MYOM2: variants seen among roughly 807,000 people sequenced by gnomAD.
MYOM2 encodes the protein myomesin 2.
Under a neutral mutation model 187.6 loss-of-function variants are expected in MYOM2, and 254 were observed. That is an observed-to-expected ratio of 1.35 (90% CI 1.22 to 1.50). The LOEUF (loss-of-function observed/expected upper bound fraction) is 1.50. Among genes scored for constraint, MYOM2 ranks in the 40% most tolerant of loss-of-function variants. The pLI is 0.00. For synonymous variants in MYOM2, 981 were observed against 753.8 expected, an observed-to-expected ratio of 1.30 and a Z score of -4.94; for missense variants, 2,796 against 1,924.0, an observed-to-expected ratio of 1.45 and a Z score of -8.48.
intron 17 of MYOM2, among the ~76,000 whole-genome samples, chr8:2,094,318 A>G (rs1339298694): frequency 7.8e-6 from 1 of 128,034 alleles, no homozygotes; most frequent in Admixed American, 7.3e-5. Flanking sequence ...CAAATTAAAA[A>G]TAGAAAACAT....
At chr8:2,111,097 C>A (rs1161897727) in intron 25 of MYOM2, among the ~76,000 whole-genome samples, 1 of 152,182 alleles carries the variant, frequency 6.6e-6, no homozygotes, top group Non-Finnish European at 1.5e-5. Context: ...GGGAATGGCA[C>A]TTTATTTGCG....
intron 32 of MYOM2, among the ~76,000 whole-genome samples, chr8:2,139,783 A>C (rs1055598179): frequency 1.1e-4 from 17 of 152,216 alleles, no homozygotes; most frequent in African/African-American, 4.1e-4. Flanking sequence ...AACTGAAGTA[A>C]TGTTAGGAAA....
chr8:2,055,774 G>C (rs574261307), intron 3 of MYOM2, among the ~76,000 whole-genome samples: 9 of 152,256 alleles, frequency 5.9e-5, no homozygotes, highest in Non-Finnish European at 1.0e-4. Flanking sequence ...CCTGGGTCTC[G>C]GACAGGCCTT....
At chr8:2,130,799 G>A (rs936828832) in intron 32 of MYOM2, among the ~76,000 whole-genome samples, 5 of 152,178 alleles carry the variant, frequency 3.3e-5, no homozygotes, top group African/African-American at 9.7e-5. Context: ...GGAGCTTACA[G>A]GACTAGAACT....
rs765767254 is a variant in MYOM2 at position 2,072,325 on chromosome 8, C to T, written c.794-20C>T. On this transcript the variant is annotated intron_variant, in intron 8 of 36. Transcript: ENST00000262113. ...GCTCTCTGCCCTTCGGCCCTGAAAG[C>T]CTCCATCGTTTCTGTGCAGTGCCCC... 1.9e-6 allele frequency: 3 copies of T among 1,611,230 alleles called. No individual in the cohort carries two copies. In the African/African-American group the frequency reaches 4.0e-5, roughly 22 times the overall value.
At chr8:2,092,211 G>T in intron 15 of MYOM2, 135 bp from the exon 16 acceptor site, 1 of 1,057,926 alleles carries the variant, frequency 9.5e-7, no homozygotes, top group Non-Finnish European at 1.4e-6. Flanking sequence ...TCCTACTCCT[G>T]GACCCCTTGT....
chr8:2,056,755 T>C (rs924508047), intron 3 of MYOM2, among the ~76,000 whole-genome samples: 1 of 152,150 alleles, frequency 6.6e-6, no homozygotes, highest in African/African-American at 2.4e-5. Flanking sequence ...TTTCAAATCA[T>C]GGAACTGACT....
rs186258103 is a variant in MYOM2 at position 2,089,728 on chromosome 8, T to C, written c.1645-280T>C. ...TTTTGCTAAAACTACTACCTATGTATTGATTCCCTTATGTTTTCTATGGTT... is the reference window on the plus strand; with the variant it reads ...TTTTGCTAAAACTACTACCTATGTACTGATTCCCTTATGTTTTCTATGGTT... On this transcript the variant is annotated intron_variant, in intron 14 of 36. Transcript: ENST00000262113. 5.3e-3 allele frequency among the ~76,000 whole-genome samples: 803 copies of C among 152,352 alleles called. 4 individuals are homozygous for C. Among genetic ancestry groups the C allele is most frequent in the Non-Finnish European group, 9.3e-3 (632 of 68,026 alleles).
At chr8:2,065,335 C>A (rs1381565886) in intron 6 of MYOM2, among the ~76,000 whole-genome samples, 1 of 152,124 alleles carries the variant, frequency 6.6e-6, no homozygotes, top group Non-Finnish European at 1.5e-5. Context: ...TGTTGGGAGG[C>A]CGAGGCAGGT....
chr8:2,118,060 C>G (rs190855397), intron 28 of MYOM2, 108 bp downstream of exon 28: 1 of 927,552 alleles, frequency 1.1e-6, no homozygotes, highest in African/African-American at 1.6e-5. Context: ...GGTGAGGAAA[C>G]GTGTGGTGCC....
At chr8:2,114,070 C>A (rs773493070) in intron 25 of MYOM2, among the ~76,000 whole-genome samples, 2 of 152,098 alleles carry the variant, frequency 1.3e-5, no homozygotes, top group South Asian at 4.1e-4. Flanking sequence ...CAAGCCTCAC[C>A]CGGGGGCATC....
At position 2,083,330 on chromosome 8, in the gene MYOM2, C is replaced by T. The variant is rs6985872; in HGVS notation, c.1517-1933C>T. ...CTCATGTGTGTTTAGCAGTGTCTCA[C>T]GTGTGCTTAGCGGTATCTTATGTGT... On this transcript the variant is annotated intron_variant, in intron 13 of 36. Coordinates refer to ENST00000262113, the MANE Select transcript of MYOM2 (RefSeq NM_003970.4). Among the ~76,000 whole-genome samples the T allele has an allele frequency of 5.2e-3, 791 of 152,196 alleles. 5 individuals are homozygous for T. Among genetic ancestry groups the T allele is most frequent in the African/African-American group, 0.018 (756 of 41,474 alleles).
chr8:2,089,916 G>C, intron 14 of MYOM2, 92 bp from the exon 15 acceptor site: 1 of 1,262,160 alleles, frequency 7.9e-7, no homozygotes, highest in Non-Finnish European at 1.1e-6. Flanking sequence ...GTGGTCCTGG[G>C]ATAGCGAGAA....
intron 27 of MYOM2, among the ~76,000 whole-genome samples, 189 bp from the exon 28 acceptor site, chr8:2,117,696 A>T (rs551734929): frequency 6.6e-6 from 1 of 152,100 alleles, no homozygotes; most frequent in Non-Finnish European, 1.5e-5. Flanking sequence ...CCTGAAAACT[A>T]TCTCAGTTTC....
At position 2,109,433 on chromosome 8, in the gene MYOM2, G is replaced by C. The variant is rs780196572; in HGVS notation, c.3082G>C (p.Asp1028His). Residue 1028 changes from aspartate (D) to histidine (H), a missense_variant, in exon 25 of 37, where the codon GAT becomes CAT. Transcript: ENST00000262113. ...LKSELAYEIF[D>H]KGRVRFWLQA... ...ATCGGAATTAGCTTATGAGATTTTT[G>C]ATAAGGGGCGGGTTCGCTTCTGGCT... is the stretch of plus-strand genomic sequence containing the variant. The C allele has an allele frequency of 1.5e-5, 24 of 1,610,486 alleles. No homozygotes were observed. The highest frequency in any genetic ancestry group is 2.2e-5 in the South Asian group (2 of 90,532).
chr8:2,085,310 A>G lies in MYOM2; in HGVS notation c.1564A>G (p.Ile522Val), dbSNP rs199912698. Reference sequence around the variant, plus strand: ...TCCCACCGGTGTGCACGCTTCCGAGATCAGCAGAAACTATGTCGTCCTCAG... The same window carrying G: ...TCCCACCGGTGTGCACGCTTCCGAGGTCAGCAGAAACTATGTCGTCCTCAG... The part of the protein sequence containing the change: ...GPPTGVHASE[I>V]SRNYVVLSWE... The change falls in exon 14 of 37, where the codon ATC (isoleucine) becomes GTC (valine). Residue 522 changes from isoleucine to valine, a missense_variant. By Grantham distance (29) the Ile-to-Val change is conservative (BLOSUM62 3). Transcript: ENST00000262113. The G allele has an allele frequency of 1.2e-6, 2 of 1,614,084 alleles. No homozygotes were observed. Among genetic ancestry groups the G allele is most frequent in the Non-Finnish European group, 1.7e-6 (2 of 1,179,998 alleles).
chr8:2,076,866 G>A (rs1056851975), intron 11 of MYOM2, among the ~76,000 whole-genome samples: 8 of 152,186 alleles, frequency 5.3e-5, no homozygotes, highest in Admixed American at 1.3e-4. Flanking sequence ...TTGACTTCCC[G>A]TACTGGGGAC....
intron 30 of MYOM2, 36 bp from the exon 31 acceptor site, chr8:2,124,143 C>T: frequency 6.3e-7 from 1 of 1,593,586 alleles, no homozygotes; most frequent in Non-Finnish European, 8.6e-7. Flanking sequence ...GTTAAAGTTA[C>T]ATGTCGTAAT....
intron 32 of MYOM2, among the ~76,000 whole-genome samples, chr8:2,138,458 G>A (rs1798158670): frequency 6.6e-6 from 1 of 152,212 alleles, no homozygotes; most frequent in African/African-American, 2.4e-5. Context: ...AGAGATTCCT[G>A]AAGGATTGCC....
Sources: gnomAD v4.1 joint callset for allele counts (sites outside exome capture counted in the v4.1 genomes callset) on GRCh38, gnomAD v4.1.1 for gene constraint, MANE v1.5 for transcripts, NCBI Gene and HGNC (gene_info 2026-07-23, HGNC 2026-07-21) for gene names.